The following TBC1D22B variants were observed in gnomAD, a reference collection of about 807,000 sequenced individuals.
TBC1D22B encodes the protein chromosome 6 open reading frame 197.
A neutral mutation model predicts 69.1 loss-of-function variants in TBC1D22B; 32 were observed. The ratio of observed to expected loss-of-function variants is 0.46; its 90% CI spans 0.35 to 0.62. The LOEUF is 0.62. Ranked by LOEUF, TBC1D22B falls within the 20% of genes least tolerant of loss-of-function variation. TBC1D22B has a pLI of 0.00. For synonymous variants in TBC1D22B, 206 were observed against 229.8 expected (o/e 0.90, Z 0.94); for missense variants, 462 against 630.9 (o/e 0.73, Z 2.87).
intron 8 of TBC1D22B, among the ~76,000 whole-genome samples, chr6:37,295,908 A>G (rs1767348779): frequency 6.6e-6 from 1 of 152,302 alleles, no homozygotes; most frequent in Admixed American, 6.5e-5. Flanking sequence ...TCTTTTGTGA[A>G]AGGAAAAATC....
intron 8 of TBC1D22B, among the ~76,000 whole-genome samples, chr6:37,306,941 GAA>G (rs1767738601): frequency 6.6e-6 from 1 of 152,148 alleles, no homozygotes; most frequent in Admixed American, 6.5e-5. Flanking sequence ...TGGGAATCTC[GAA>G]ATAAGTCTTT....
intron 2 of TBC1D22B, among the ~76,000 whole-genome samples, chr6:37,271,333 A>G (rs923679495): frequency 1.3e-5 from 2 of 152,110 alleles, no homozygotes; most frequent in African/African-American, 4.8e-5. Flanking sequence ...GCAAAACAAA[A>G]CAAAACAAAA....
intron 2 of TBC1D22B, among the ~76,000 whole-genome samples, chr6:37,270,399 C>T (rs773358100): frequency 1.3e-5 from 2 of 151,898 alleles, no homozygotes; most frequent in African/African-American, 2.4e-5. Context: ...TGCAGTGAGC[C>T]GAGATCATGC....
At chr6:37,290,182 T>C (rs1296913684) in intron 7 of TBC1D22B, among the ~76,000 whole-genome samples, 2 of 152,130 alleles carry the variant, frequency 1.3e-5, no homozygotes, top group African/African-American at 4.8e-5. Context: ...TCCACCTGCT[T>C]GAGAGGGCCT....
At chr6:37,289,820 T>C (rs1213596389) in intron 7 of TBC1D22B, among the ~76,000 whole-genome samples, 2 of 152,104 alleles carry the variant, frequency 1.3e-5, no homozygotes, top group Non-Finnish European at 2.9e-5. Flanking sequence ...AGAGAGGAAA[T>C]AGAGTGTAAG....
rs758795404 is a variant in TBC1D22B at position 37,279,569 on chromosome 6, G to T, written c.379G>T (p.Val127Phe). 3.7e-6 allele frequency: 6 copies of T among 1,613,978 alleles called. No homozygotes were observed. The African/African-American group carries it at 8.0e-5, about 22-fold the overall frequency. Residue 127 changes from valine (V) to phenylalanine (F), a missense_variant, in exon 3 of 13, where the codon GTC (valine) becomes TTC (phenylalanine). By Grantham distance (50) the Val-to-Phe change is conservative. This residue lies in a region of TBC1D22B where 237 missense variants were observed against 255.4 expected (regional missense o/e 0.93). Coordinates refer to ENST00000373491, the MANE Select transcript of TBC1D22B (RefSeq NM_017772.4). ...ATCGGACGTCCCTGCCAACTACAAG[G>T]TCATAAAGTCCAGCAGTGATGCCCA... is the stretch of plus-strand genomic sequence containing the variant. ...TTSDVPANYK[V>F]IKSSSDAQLS...
intron 8 of TBC1D22B, among the ~76,000 whole-genome samples, chr6:37,300,937 C>G (rs1290164608): frequency 6.6e-6 from 1 of 152,166 alleles, no homozygotes; most frequent in African/African-American, 2.4e-5. Context: ...CTACAGTTGT[C>G]AAATTTGTAC....
intron 1 of TBC1D22B, among the ~76,000 whole-genome samples, chr6:37,259,509 A>C (rs1324622819): frequency 6.6e-6 from 1 of 152,206 alleles, no homozygotes; most frequent in African/African-American, 2.4e-5. Context: ...GAGATGTGGG[A>C]CGTGGCATGG....
chr6:37,260,539 G>C (rs1766054776), intron 1 of TBC1D22B, among the ~76,000 whole-genome samples: 1 of 152,128 alleles, frequency 6.6e-6, no homozygotes, highest in Non-Finnish European at 1.5e-5. Context: ...GTGGTATTTA[G>C]TATATTCATT....
At chr6:37,280,422 T>G (rs570634017) in intron 3 of TBC1D22B, among the ~76,000 whole-genome samples, 2 of 152,338 alleles carry the variant, frequency 1.3e-5, no homozygotes, top group South Asian at 4.1e-4. Flanking sequence ...GCTCATGTTC[T>G]GAGGGAACTT....
At chr6:37,322,804 C>T (rs1182710897) in intron 12 of TBC1D22B, among the ~76,000 whole-genome samples, 4 of 152,116 alleles carry the variant, frequency 2.6e-5, no homozygotes, top group Admixed American at 6.5e-5. Context: ...TGCAGCACCA[C>T]ATAATTACAA....
intron 7 of TBC1D22B, among the ~76,000 whole-genome samples, chr6:37,287,675 A>T (rs1055071295): frequency 2.0e-5 from 3 of 152,208 alleles, no homozygotes; most frequent in Non-Finnish European, 4.4e-5. Context: ...TAATATCTTT[A>T]AGGTTCATCC....
chr6:37,313,218 G>A (rs926842340), intron 9 of TBC1D22B, among the ~76,000 whole-genome samples, 194 bp downstream of exon 9: 43 of 152,276 alleles, frequency 2.8e-4, no homozygotes, highest in Admixed American at 2.4e-3. Context: ...GGTCGGGCAC[G>A]GTGGCTCACG....
intron 8 of TBC1D22B, among the ~76,000 whole-genome samples, chr6:37,312,521 G>C (rs1767946251): frequency 1.3e-5 from 2 of 152,214 alleles, no homozygotes; most frequent in Non-Finnish European, 1.5e-5. Flanking sequence ...ATGAGTGTGA[G>C]TGTGCTAGAC....
intron 12 of TBC1D22B, among the ~76,000 whole-genome samples, chr6:37,328,002 A>G (rs1768477808): frequency 6.6e-6 from 1 of 152,078 alleles, no homozygotes; most frequent in Non-Finnish European, 1.5e-5. Flanking sequence ...TTCTGGTTGA[A>G]TGTTAAAGAC....
At position 37,291,321 on chromosome 6, in the gene TBC1D22B, A is replaced by G; in HGVS notation, c.946A>G (p.Thr316Ala). ...GYVQGINDLVTPFFVVFLSEY... is the reference protein window; with the variant it reads ...GYVQGINDLVAPFFVVFLSEY... ...TGTCCAGGGAATTAATGACCTGGTCACTCCATTCTTTGTCGTCTTCCTCTC... is the reference window on the plus strand; with the variant it reads ...TGTCCAGGGAATTAATGACCTGGTCGCTCCATTCTTTGTCGTCTTCCTCTC... The change falls in exon 8 of 13, where the codon ACT becomes GCT. Residue 316 changes from threonine (T) to alanine (A), a missense_variant. By Grantham distance (58) the Thr-to-Ala change is moderately conservative (BLOSUM62 0). This residue lies in a region of TBC1D22B where 225 missense variants were observed against 375.4 expected (regional missense o/e 0.60). Transcript: ENST00000373491. 1 of 1,612,798 alleles carries G rather than the reference A, an allele frequency of 6.2e-7. No homozygotes were observed. The highest frequency in any genetic ancestry group is 2.2e-5 in the East Asian group (1 of 44,822).
chr6:37,305,747 C>G (rs1767695769), intron 8 of TBC1D22B, among the ~76,000 whole-genome samples: 1 of 152,158 alleles, frequency 6.6e-6, no homozygotes, highest in Non-Finnish European at 1.5e-5. Flanking sequence ...GTCTCGATCT[C>G]CTGACCTCGT....
intron 2 of TBC1D22B, among the ~76,000 whole-genome samples, chr6:37,278,991 A>T (rs1306821480): frequency 6.6e-6 from 1 of 152,010 alleles, no homozygotes; most frequent in Non-Finnish European, 1.5e-5. Context: ...CCTGGAAGTA[A>T]TCGCCTCATT....
intron 12 of TBC1D22B, among the ~76,000 whole-genome samples, chr6:37,322,932 G>A (rs1190654469): frequency 6.6e-6 from 1 of 152,198 alleles, no homozygotes; most frequent in African/African-American, 2.4e-5. Flanking sequence ...TGAGCAGCAG[G>A]CAGAAACTCT....
Sources: gnomAD v4.1 joint callset for allele counts (sites outside exome capture counted in the v4.1 genomes callset) on GRCh38, gnomAD v4.1.1 for gene constraint, gnomAD v4.1.1 regional missense constraint, MANE v1.5 for transcripts, NCBI Gene and HGNC (gene_info 2026-07-23, HGNC 2026-07-21) for gene names.